CACNA2D3: variants seen among roughly 807,000 people sequenced by gnomAD.
CACNA2D3 encodes the protein voltage-dependent calcium channel subunit alpha-2/delta-3.
In CACNA2D3, 60 loss-of-function variants were observed where a neutral mutation model predicts 160.6. That is an observed-to-expected ratio of 0.37 (90% CI 0.30 to 0.46). The LOEUF (loss-of-function observed/expected upper bound fraction) is 0.46, where lower values mean the gene tolerates loss of function less well. Ranked by LOEUF, CACNA2D3 falls within the 20% of genes least tolerant of loss-of-function variation. The pLI, the probability that CACNA2D3 is intolerant of heterozygous loss-of-function variation, is 1.00. For missense variants in CACNA2D3, 1,205 were observed against 1,365.0 expected (o/e 0.88, Z 1.85); for synonymous variants, 558 against 492.9 (o/e 1.13, Z -1.75).
intron 2 of CACNA2D3, among the ~76,000 whole-genome samples, chr3:54,222,620 C>T (rs56033866): frequency 0.079 from 12,014 of 152,224 alleles, 671 homozygotes; most frequent in Non-Finnish European, 0.12. Flanking sequence ...TTTCTAATCC[C>T]ACTACAATGT....
chr3:54,402,816 A>G (rs960835882), intron 4 of CACNA2D3, among the ~76,000 whole-genome samples: 19 of 152,238 alleles, frequency 1.2e-4, no homozygotes, highest in African/African-American at 4.3e-4. Context: ...ATCCAACAGC[A>G]GCAGAATATA....
Position 54,839,150 on chromosome 3 carries a change from C to T in CACNA2D3, c.1551+502C>T, listed in dbSNP as rs138763762. ...GCAGGCGCCTGTAGTCCCAGCTGCT[C>T]GGGAGGCTGAGGCAGGAGAATGGCG... On this transcript the variant is annotated intron_variant, in intron 16 of 37. Coordinates refer to ENST00000474759, the MANE Select transcript of CACNA2D3 (RefSeq NM_018398.3). Among the ~76,000 whole-genome samples the T allele has an allele frequency of 3.7e-3, 566 of 152,130 alleles. 4 individuals are homozygous for T. The highest frequency in any genetic ancestry group is 0.012 in the African/African-American group (495 of 41,494).
chr3:54,894,688 TG>T (rs1700145215), intron 25 of CACNA2D3: 1 of 493,604 alleles, frequency 2.0e-6, no homozygotes, highest in Non-Finnish European at 4.0e-6. Context: ...CAATGCATCC[TG>T]CCATGGGCCA....
intron 5 of CACNA2D3, among the ~76,000 whole-genome samples, chr3:54,551,560 G>C (rs1351728344): frequency 6.6e-6 from 1 of 152,186 alleles, no homozygotes; most frequent in Non-Finnish European, 1.5e-5. Context: ...TTGGGTGTAT[G>C]TTGGGAGCTG....
chr3:54,199,421 TG>T (rs1431797950), intron 2 of CACNA2D3, among the ~76,000 whole-genome samples: 1 of 152,162 alleles, frequency 6.6e-6, no homozygotes, highest in African/African-American at 2.4e-5. Flanking sequence ...TGGAGTGCAG[TG>T]GTGTGGTCTT....
chr3:54,795,263 T>G (rs1422023638), intron 13 of CACNA2D3, among the ~76,000 whole-genome samples: 1 of 152,178 alleles, frequency 6.6e-6, no homozygotes, highest in Non-Finnish European at 1.5e-5. Flanking sequence ...GGTTTTTGAT[T>G]TGGCTTTTAA....
intron 4 of CACNA2D3, among the ~76,000 whole-genome samples, chr3:54,410,878 C>A (rs1396093597): frequency 6.6e-6 from 1 of 152,144 alleles, no homozygotes; most frequent in Non-Finnish European, 1.5e-5. Flanking sequence ...AATTGAAAAG[C>A]TTTTGGAAAG....
At chr3:54,983,724 A>G (rs1209175498) in intron 29 of CACNA2D3, among the ~76,000 whole-genome samples, 2 of 152,248 alleles carry the variant, frequency 1.3e-5, no homozygotes, top group African/African-American at 4.8e-5. Flanking sequence ...CCCAGAAAAC[A>G]TCAGCCCCGT....
chr3:54,762,391 C>T (rs1399518003), intron 12 of CACNA2D3, among the ~76,000 whole-genome samples: 1 of 152,190 alleles, frequency 6.6e-6, no homozygotes, highest in Admixed American at 6.5e-5. Context: ...CCTTCAGGTT[C>T]TAGCTACACT....
chr3:54,131,079 T>G (rs762359357), intron 2 of CACNA2D3, among the ~76,000 whole-genome samples: 14 of 152,378 alleles, frequency 9.2e-5, no homozygotes, highest in Middle Eastern at 6.8e-3. Context: ...TGAGTTGTTG[T>G]TGTCATTCCT....
chr3:54,682,888 G>A (rs936276931), intron 11 of CACNA2D3, among the ~76,000 whole-genome samples: 1 of 152,076 alleles, frequency 6.6e-6, no homozygotes, highest in Non-Finnish European at 1.5e-5. Context: ...CTCTGAAGTC[G>A]AGTCAGTCTT....
chr3:54,334,213 A>G (rs376453773), intron 3 of CACNA2D3, among the ~76,000 whole-genome samples: 3 of 151,432 alleles, frequency 2.0e-5, no homozygotes, highest in East Asian at 2.0e-4. Flanking sequence ...CAGCCTCCCA[A>G]GTAGCTGGGA....
chr3:54,838,439 T>C lies in CACNA2D3; in HGVS notation c.1471-129T>C, dbSNP rs945306469. On this transcript the variant is annotated intron_variant, in intron 15 of 37. Coordinates refer to ENST00000474759, the MANE Select transcript of CACNA2D3 (RefSeq NM_018398.3). ...ATAGAAGAGACCATTCTTGGAGATA[T>C]GGGTTAATCCTCAATCTGTATCAGT... The C allele has an allele frequency of 2.6e-5, 19 of 735,876 alleles. No individual in the cohort carries two copies. In the African/African-American group the frequency reaches 2.9e-4, roughly 11 times the overall value. 45.6% of individuals were successfully genotyped at this position (735,876 alleles called of 1,614,324 possible).
chr3:54,910,610 G>A (rs1700535636), intron 27 of CACNA2D3, among the ~76,000 whole-genome samples: 2 of 152,046 alleles, frequency 1.3e-5, no homozygotes, highest in African/African-American at 4.8e-5. Flanking sequence ...AATGTTGGAG[G>A]GCCCCAGGGT....
At chr3:54,950,939 G>A (rs1356182) in intron 27 of CACNA2D3, among the ~76,000 whole-genome samples, 1 of 152,204 alleles carries the variant, frequency 6.6e-6, no homozygotes, top group South Asian at 2.1e-4. Flanking sequence ...GGGCTCAGTG[G>A]CAGAGGGGAA....
chr3:54,249,918 G>A (rs1043070679), intron 2 of CACNA2D3, among the ~76,000 whole-genome samples: 1 of 152,006 alleles, frequency 6.6e-6, no homozygotes, highest in African/African-American at 2.4e-5. Flanking sequence ...TGCTATCATG[G>A]TGTCCCCTGT....
intron 17 of CACNA2D3, among the ~76,000 whole-genome samples, chr3:54,864,693 C>G (rs559498752): frequency 1.8e-4 from 27 of 152,298 alleles, no homozygotes; most frequent in African/African-American, 5.8e-4. Flanking sequence ...CAATGTGATT[C>G]TGTGACTGTT....
chr3:54,859,932 C>T (rs1699250164), intron 17 of CACNA2D3, among the ~76,000 whole-genome samples: 1 of 150,420 alleles, frequency 6.6e-6, no homozygotes, highest in Admixed American at 6.6e-5. Flanking sequence ...AAGCCCCACT[C>T]TGCAAGAGAC....
chr3:54,484,123 G>T (rs1305129025), intron 4 of CACNA2D3, among the ~76,000 whole-genome samples: 3 of 152,162 alleles, frequency 2.0e-5, no homozygotes, highest in African/African-American at 7.2e-5. Context: ...CCTAAGCAAT[G>T]AAACACTACG....
Sources: allele counts gnomAD v4.1 joint callset (sites outside exome capture counted in the v4.1 genomes callset), GRCh38; gene constraint gnomAD v4.1.1; transcripts MANE v1.5; gene names NCBI Gene and HGNC (gene_info 2026-07-23, HGNC 2026-07-21).